B3GALNT2: variants seen among roughly 807,000 people sequenced by gnomAD.
B3GALNT2 encodes the protein UDP-GalNAc:beta-1,3-N-acetylgalactosaminyltransferase 2.
Under a neutral mutation model 61.1 loss-of-function variants are expected in B3GALNT2, and 53 were observed. The ratio of observed to expected loss-of-function variants is 0.87; its 90% confidence interval spans 0.70 to 1.09. The LOEUF is 1.09. Ranked by LOEUF, B3GALNT2 falls within the 50% of genes least tolerant of loss-of-function variation. The pLI, the probability that B3GALNT2 is intolerant of heterozygous loss-of-function variation, is 0.00. For missense variants in B3GALNT2, 544 were observed against 623.0 expected (o/e 0.87, Z 1.35); for synonymous variants, 223 against 237.4 (o/e 0.94, Z 0.56).
chr1:235,448,750 A>C lies in B3GALNT2; in HGVS notation c.*1456T>G. 6.2e-7 allele frequency: 1 copy of C among 1,612,576 alleles called. No homozygotes were observed. The highest frequency in any genetic ancestry group is 8.5e-7 in the Non-Finnish European group (1 of 1,178,688). The stretch of plus-strand genomic sequence containing the variant: ...CTGTGGAAAATGGAGATTGTCTATT[A>C]GTGCGATGGTGACAACCAACTAATA... On this transcript the variant is annotated 3_prime_UTR_variant, in exon 12 of 12. Transcript: ENST00000366600.
At chr1:235,477,360 T>C (rs1247108541) in intron 5 of B3GALNT2, among the ~76,000 whole-genome samples, 1 of 152,214 alleles carries the variant, frequency 6.6e-6, no homozygotes, top group Non-Finnish European at 1.5e-5. Context: ...TTTTTAACTT[T>C]AAGTATTTCA....
At chr1:235,477,521 T>G (rs1684342900) in intron 5 of B3GALNT2, among the ~76,000 whole-genome samples, 1 of 152,124 alleles carries the variant, frequency 6.6e-6, no homozygotes, top group South Asian at 2.1e-4. Flanking sequence ...AAGTTCATTT[T>G]CTTCCTCTTT....
At chr1:235,465,205 C>T (rs188785879) in intron 7 of B3GALNT2, 42 of 153,508 alleles carry the variant, frequency 2.7e-4, no homozygotes, top group African/African-American at 5.1e-4. Flanking sequence ...TAGGGCATAT[C>T]GATGCAATAG....
Position 235,447,742 on chromosome 1 carries a change from T to TATC in B3GALNT2, c.*2461_*2463dup, listed in dbSNP as rs1682495575. Among the ~76,000 whole-genome samples, 1 of 152,030 alleles carries TATC rather than the reference T, an allele frequency of 6.6e-6. No homozygotes were observed. The highest frequency in any genetic ancestry group is 1.5e-5 in the Non-Finnish European group (1 of 67,992). The stretch of plus-strand genomic sequence containing the variant: ...TCCCTTTATTCTTCTGTGCTGAGAG[T>TATC]ATCATTCTGGTTTATTCAGATTAAG... On this transcript the variant is annotated 3_prime_UTR_variant, in exon 12 of 12. Transcript: ENST00000366600.
chr1:235,452,740 CGGG>C (rs1030052428), intron 11 of B3GALNT2, among the ~76,000 whole-genome samples: 1 of 151,856 alleles, frequency 6.6e-6, no homozygotes, highest in African/African-American at 2.4e-5. Context: ...TTTGTAGAGA[CGGG>C]GGGTTTCACC....
chr1:235,453,185 A>G, intron 10 of B3GALNT2, 39 bp from the exon 11 acceptor site: 1 of 1,556,912 alleles, frequency 6.4e-7, no homozygotes, highest in Non-Finnish European at 8.9e-7. Flanking sequence ...AAAAATTTTA[A>G]TGCTATTTTA....
chr1:235,440,933 C>T, the B3GALNT2 span: 2 of 152,192 alleles, frequency 1.3e-5, no homozygotes, highest in African/African-American at 2.4e-5. Context: ...CTCCACATTT[C>T]GCTTTTATGT....
At chr1:235,440,109 T>G in the B3GALNT2 span, among the ~76,000 whole-genome samples, 1 of 152,152 alleles carries the variant, frequency 6.6e-6, no homozygotes, top group Non-Finnish European at 1.5e-5. Context: ...TGGCTGGGAC[T>G]ACAGGCGCCC....
intron 6 of B3GALNT2, among the ~76,000 whole-genome samples, chr1:235,466,607 G>A (rs992319998): frequency 6.6e-5 from 10 of 151,792 alleles, no homozygotes; most frequent in South Asian, 2.1e-4. Flanking sequence ...CTCCCGCCTC[G>A]GTCTCCCAAA....
At chr1:235,498,523 T>C (rs1289541524) in intron 1 of B3GALNT2, among the ~76,000 whole-genome samples, 1 of 152,106 alleles carries the variant, frequency 6.6e-6, no homozygotes, top group East Asian at 1.9e-4. Flanking sequence ...TTCAAGGAAA[T>C]GTTGTTAGTG....
At chr1:235,461,490 G>C (rs1387960436) in intron 7 of B3GALNT2, among the ~76,000 whole-genome samples, 1 of 151,076 alleles carries the variant, frequency 6.6e-6, no homozygotes, top group African/African-American at 2.4e-5. Context: ...GAGAAACACA[G>C]GGGTAGATGA....
chr1:235,450,363 G>C, intron 11 of B3GALNT2, 23 bp from the exon 12 acceptor site: 1 of 1,611,934 alleles, frequency 6.2e-7, no homozygotes, highest in Non-Finnish European at 8.5e-7. Context: ...AACCAAAGCC[G>C]ATCTGAGAGT....
chr1:235,481,744 T>C (rs1684574027), intron 4 of B3GALNT2, among the ~76,000 whole-genome samples: 2 of 152,222 alleles, frequency 1.3e-5, no homozygotes, highest in African/African-American at 4.8e-5. Context: ...CTCAGAGTAC[T>C]GCTATTTCAA....
intron 5 of B3GALNT2, chr1:235,478,810 T>C (rs906266254): frequency 2.0e-5 from 3 of 152,252 alleles, no homozygotes; most frequent in African/African-American, 7.2e-5. Flanking sequence ...CTAGCAACTA[T>C]AACACATAGA....
chr1:235,465,597 C>T (rs1683653866), intron 7 of B3GALNT2, 39 bp downstream of exon 7: 1 of 1,608,664 alleles, frequency 6.2e-7, no homozygotes, highest in Non-Finnish European at 8.5e-7. Context: ...AAGTATAAGA[C>T]ATTCAGTGTA....
At chr1:235,446,298 T>A (rs1221222801), downstream of B3GALNT2, among the ~76,000 whole-genome samples, 2 of 152,118 alleles carry the variant, frequency 1.3e-5, no homozygotes, top group Admixed American at 1.3e-4. Context: ...GGCCTCAGCT[T>A]CCCAAGTAGC....
chr1:235,442,968 G>A, downstream of B3GALNT2: 2 of 1,572,910 alleles, frequency 1.3e-6, no homozygotes, highest in Non-Finnish European at 1.7e-6. Flanking sequence ...CTAGGTATGA[G>A]TCAGCTAAAA....
chr1:235,444,123 A>G (rs956373201), downstream of B3GALNT2, among the ~76,000 whole-genome samples: 5 of 152,356 alleles, frequency 3.3e-5, no homozygotes, highest in Admixed American at 3.3e-4. Context: ...TTTCTATCAG[A>G]TAAAGCAAGC....
At chr1:235,458,243 C>G (rs1683259056) in intron 8 of B3GALNT2, among the ~76,000 whole-genome samples, 1 of 152,066 alleles carries the variant, frequency 6.6e-6, no homozygotes, top group African/African-American at 2.4e-5. Context: ...CATTGTGGAT[C>G]TTTATCAAAA....
Sources: gnomAD v4.1 joint callset for allele counts (sites outside exome capture counted in the v4.1 genomes callset) on GRCh38, gnomAD v4.1.1 for gene constraint, MANE v1.5 for transcripts, NCBI Gene and HGNC (gene_info 2026-07-23, HGNC 2026-07-21) for gene names.